The following ACAP2 variants were observed in gnomAD, a reference collection of about 807,000 sequenced individuals.
ACAP2 encodes arf-GAP with coiled-coil, ANK repeat and PH domain-containing protein 2.
ACAP2 carries 39 observed loss-of-function variants against 115.8 expected under a neutral mutation model. The observed-to-expected ratio is 0.34, with a 90% CI of 0.26 to 0.44. The LOEUF (loss-of-function observed/expected upper bound fraction) is 0.44, where lower values mean the gene tolerates loss of function less well. ACAP2 is among the 20% of genes least tolerant of loss of function. ACAP2 has a pLI of 1.00. For missense variants in ACAP2, 662 were observed against 927.6 expected (o/e 0.71, Z 3.72); for synonymous variants, 289 against 315.8 (o/e 0.92, Z 0.90).
At chr3:195,303,229 G>A (rs572001420) in intron 13 of ACAP2, among the ~76,000 whole-genome samples, 27 of 149,644 alleles carry the variant, frequency 1.8e-4, no homozygotes, top group Non-Finnish European at 2.7e-4. Context: ...TCATATGAGC[G>A]TAAATACATA....
chr3:195,414,263 AAAAG>A (rs1221975093), intron 1 of ACAP2, among the ~76,000 whole-genome samples: 1 of 152,214 alleles, frequency 6.6e-6, no homozygotes, highest in Non-Finnish European at 1.5e-5. Context: ...GTTTCTTTAA[AAAAG>A]AAATACATAC....
intron 4 of ACAP2, among the ~76,000 whole-genome samples, chr3:195,378,068 G>GAGGA (rs1219540915): frequency 0.023 from 3,360 of 146,262 alleles, 129 homozygotes; most frequent in African/African-American, 0.082. Flanking sequence ...GGGAGGGAGG[G>GAGGA]AGGGAGGAAG....
chr3:195,377,874 A>G (rs1228843306), intron 4 of ACAP2, among the ~76,000 whole-genome samples: 1 of 152,242 alleles, frequency 6.6e-6, no homozygotes, highest in Non-Finnish European at 1.5e-5. Context: ...AAAGTTCTTC[A>G]TGTATAGAAA....
intron 22 of ACAP2, among the ~76,000 whole-genome samples, chr3:195,283,203 A>T (rs1037096431): frequency 5.9e-5 from 9 of 152,196 alleles, no homozygotes; most frequent in African/African-American, 1.9e-4. Flanking sequence ...GTTTCCAACA[A>T]CTGAGAGAAG....
intron 22 of ACAP2, chr3:195,285,508 C>T (rs1726784665): frequency 6.1e-6 from 2 of 327,504 alleles, no homozygotes; most frequent in Non-Finnish European, 1.1e-5. Flanking sequence ...ATATGGAAGA[C>T]ATCCGTACAG....
intron 1 of ACAP2, among the ~76,000 whole-genome samples, chr3:195,436,465 T>A (rs1474649308): frequency 6.6e-6 from 1 of 152,122 alleles, no homozygotes; most frequent in Non-Finnish European, 1.5e-5. Flanking sequence ...GTAATTTTTG[T>A]CTTAAAGTCT....
intron 1 of ACAP2, among the ~76,000 whole-genome samples, chr3:195,435,786 G>A (rs1013562111): frequency 6.6e-6 from 1 of 152,116 alleles, no homozygotes; most frequent in Non-Finnish European, 1.5e-5. Context: ...TATGCTGGAG[G>A]ATACTTCATG....
intron 1 of ACAP2, among the ~76,000 whole-genome samples, chr3:195,435,874 T>C (rs142097406): frequency 9.3e-4 from 141 of 152,294 alleles, no homozygotes; most frequent in African/African-American, 3.2e-3. Context: ...TCTTGGTTTA[T>C]AGCACTGTTC....
intron 4 of ACAP2, among the ~76,000 whole-genome samples, chr3:195,355,665 A>C (rs1731914062): frequency 6.6e-6 from 1 of 152,204 alleles, no homozygotes; most frequent in Admixed American, 6.5e-5. Context: ...TACATGTATG[A>C]CCACAGTTAA....
chr3:195,295,837 TA>T lies in ACAP2; in HGVS notation c.1542del (p.Asp514GlufsTer26). The part of the protein sequence containing the change: ...RAKYVERKFV[D>X]KYSISLSPPE... ...GGAGGTGATAATGATATAGAATATT[TA>T]TCCACAAATTTCCTCTCCACATATT... On this transcript the variant is annotated frameshift_variant, in exon 17 of 23. Coordinates refer to ENST00000326793, the MANE Select transcript of ACAP2 (RefSeq NM_012287.6). LOFTEE classifies it high-confidence loss of function. 1 of 1,613,974 alleles carries T rather than the reference TA, an allele frequency of 6.2e-7. No homozygotes were observed. The highest frequency in any genetic ancestry group is 8.5e-7 in the Non-Finnish European group (1 of 1,179,972).
Position 195,410,200 on chromosome 3 carries a change from T to G in ACAP2, c.54-18053A>C, listed in dbSNP as rs374939362. Among the ~76,000 whole-genome samples the G allele has an allele frequency of 1.5e-4, 23 of 152,282 alleles. 1 individual carries two copies. In the East Asian group the frequency reaches 3.5e-3, roughly 23 times the overall value. On this transcript the variant is annotated intron_variant, in intron 1 of 22. Coordinates refer to ENST00000326793, the MANE Select transcript of ACAP2 (RefSeq NM_012287.6). Reference sequence around the variant, plus strand: ...GTCAGTCCTTTCAACAAATGGTGCTTGTAAAACTGGATATCCACATGCAAA... The same window carrying G: ...GTCAGTCCTTTCAACAAATGGTGCTGGTAAAACTGGATATCCACATGCAAA...
chr3:195,294,099 A>T (rs1727458788), intron 18 of ACAP2, among the ~76,000 whole-genome samples: 1 of 151,976 alleles, frequency 6.6e-6, no homozygotes, highest in African/African-American at 2.4e-5. Context: ...AGATCGCACC[A>T]CTGTACTCCA....
chr3:195,417,744 T>A (rs1184243056), intron 1 of ACAP2, among the ~76,000 whole-genome samples: 1 of 152,084 alleles, frequency 6.6e-6, no homozygotes, highest in African/African-American at 2.4e-5. Context: ...GCCCAGGAGT[T>A]CAAGGCCAGC....
intron 4 of ACAP2, among the ~76,000 whole-genome samples, chr3:195,369,130 T>C (rs1306802106): frequency 6.6e-6 from 1 of 151,780 alleles, no homozygotes; most frequent in Non-Finnish European, 1.5e-5. Context: ...TAAGTGTACA[T>C]AATTAAAACT....
intron 13 of ACAP2, among the ~76,000 whole-genome samples, chr3:195,304,185 A>C (rs1302500470): frequency 6.6e-6 from 1 of 150,624 alleles, no homozygotes; most frequent in African/African-American, 2.4e-5. Flanking sequence ...AAAAAAAAAA[A>C]AAAAAAAAAA....
chr3:195,339,272 T>G (rs879344251), intron 6 of ACAP2, among the ~76,000 whole-genome samples: 10 of 152,134 alleles, frequency 6.6e-5, no homozygotes, highest in Non-Finnish European at 1.0e-4. Flanking sequence ...TTCTTCTGCA[T>G]GTATTTCAAA....
intron 1 of ACAP2, among the ~76,000 whole-genome samples, chr3:195,398,405 G>A (rs1031044847): frequency 1.4e-4 from 22 of 152,126 alleles, no homozygotes; most frequent in Non-Finnish European, 2.5e-4. Flanking sequence ...AGCACTTTGG[G>A]AGGCCAAGGC....
rs566100558 is a variant in ACAP2 at position 195,301,971 on chromosome 3, A to C, written c.1320T>G (p.Ile440Met). 1.3e-5 allele frequency: 21 copies of C among 1,612,534 alleles called. No homozygotes were observed. The East Asian group carries it at 4.7e-4, about 36-fold the overall frequency. The change falls in exon 14 of 23, where the codon ATT becomes ATG. Residue 440 changes from isoleucine to methionine, a missense_variant. By Grantham distance (10) the Ile-to-Met change is conservative. This residue lies in a region of ACAP2 where 401 missense variants were observed against 604.4 expected (regional missense o/e 0.66). Transcript: ENST00000326793. ...GITLCIECSG[I>M]HRSLGVHFSK... is the part of the protein sequence containing the mutation. ...TCCTGGGCAGGCCTACCCACCGGTG[A>C]ATTCCGGAGCACTCGATACACAAGG...
At chr3:195,381,210 T>C in intron 3 of ACAP2, 148 bp from the exon 4 acceptor site, 4 of 637,824 alleles carry the variant, frequency 6.3e-6, no homozygotes, top group Admixed American at 6.6e-5. Context: ...CACTACCTTA[T>C]GGGTACACTC....
Sources: allele counts gnomAD v4.1 joint callset (sites outside exome capture counted in the v4.1 genomes callset), GRCh38; gene constraint gnomAD v4.1.1; regional missense constraint gnomAD v4.1.1; transcripts MANE v1.5; gene names NCBI Gene and HGNC (gene_info 2026-07-23, HGNC 2026-07-21).